DPP6: variants seen among roughly 807,000 people sequenced by gnomAD.
DPP6 encodes A-type potassium channel modulatory protein DPP6.
DPP6 carries 69 observed loss-of-function variants against 122.6 expected under a neutral mutation model. The ratio of observed to expected loss-of-function variants is 0.56; its 90% CI spans 0.46 to 0.69. The LOEUF is 0.69. Among genes scored for constraint, DPP6 ranks in the 30% least tolerant of loss-of-function variants. The pLI is 0.00. For missense variants in DPP6, 928 were observed against 1,116.9 expected (o/e 0.83, Z 2.41); for synonymous variants, 418 against 433.1 (o/e 0.97, Z 0.43).
intron 1 of DPP6, among the ~76,000 whole-genome samples, chr7:154,439,667 T>C (rs1408420244): frequency 6.7e-6 from 1 of 149,982 alleles, no homozygotes; most frequent in Non-Finnish European, 1.5e-5. Context: ...AGATAGCTAT[T>C]GCATCAATAA....
At chr7:153,920,665 G>A (rs10259960) in intron 1 of DPP6, among the ~76,000 whole-genome samples, 44,073 of 143,978 alleles carry the variant, frequency 0.31, 7,526 homozygotes, top group East Asian at 0.61. Context: ...GGTTCAAGCT[G>A]TTCTCCTACC....
intron 1 of DPP6, among the ~76,000 whole-genome samples, chr7:154,294,417 T>G (rs893766710): frequency 3.9e-5 from 6 of 152,164 alleles, no homozygotes; most frequent in Admixed American, 1.3e-4. Context: ...TGAATGTCAT[T>G]TATATTGTCA....
chr7:154,189,296 A>G (rs535620637), intron 1 of DPP6, among the ~76,000 whole-genome samples: 5 of 152,342 alleles, frequency 3.3e-5, no homozygotes, highest in South Asian at 4.1e-4. Flanking sequence ...CAACCTAGCT[A>G]TGTTTGCTTA....
intron 1 of DPP6, among the ~76,000 whole-genome samples, chr7:154,345,482 C>T (rs1483845385): frequency 1.3e-5 from 2 of 152,130 alleles, no homozygotes; most frequent in African/African-American, 4.8e-5. Flanking sequence ...TCCATTTTCC[C>T]ATGGGTTGGA....
At chr7:154,572,683 A>T (rs1171918855) in intron 5 of DPP6, among the ~76,000 whole-genome samples, 146 of 130,732 alleles carry the variant, frequency 1.1e-3, no homozygotes, top group Admixed American at 2.0e-3. Context: ...CACATGGCTA[A>T]TTTTTTTTTT....
chr7:153,920,052 G>A (rs1344008154), intron 1 of DPP6, among the ~76,000 whole-genome samples: 1 of 152,214 alleles, frequency 6.6e-6, no homozygotes, highest in Non-Finnish European at 1.5e-5. Context: ...CAGTAGTAAT[G>A]ATTCAAATGT....
At chr7:154,249,095 C>T (rs1802183665) in intron 1 of DPP6, among the ~76,000 whole-genome samples, 1 of 152,158 alleles carries the variant, frequency 6.6e-6, no homozygotes, top group South Asian at 2.1e-4. Context: ...GTGTTGAAAA[C>T]TCACGGTGGG....
chr7:154,413,379 A>T (rs1816776130), intron 1 of DPP6, among the ~76,000 whole-genome samples: 1 of 152,160 alleles, frequency 6.6e-6, no homozygotes, highest in South Asian at 2.1e-4. Context: ...AATCTTTTTG[A>T]TAGTGAGGTA....
At chr7:154,115,232 C>A (rs569132062) in intron 1 of DPP6, among the ~76,000 whole-genome samples, 6 of 152,286 alleles carry the variant, frequency 3.9e-5, no homozygotes, top group African/African-American at 1.2e-4. Context: ...TGCTGTCCCC[C>A]CTTCTGCCAC....
At chr7:153,878,226 C>T in the DPP6 span, among the ~76,000 whole-genome samples, 93 of 152,284 alleles carry the variant, frequency 6.1e-4, no homozygotes, top group African/African-American at 2.2e-3. Context: ...TGAATACACA[C>T]ATTCTAATAA....
chr7:154,128,536 G>C (rs1253078419), intron 1 of DPP6, among the ~76,000 whole-genome samples: 3 of 152,012 alleles, frequency 2.0e-5, no homozygotes, highest in Non-Finnish European at 2.9e-5. Flanking sequence ...CGAGTAGCTG[G>C]GACTACAGGC....
the DPP6 span, among the ~76,000 whole-genome samples, chr7:153,810,911 T>C: frequency 6.6e-6 from 1 of 152,186 alleles, no homozygotes. Context: ...TCTATCATAT[T>C]CAAGATTACT....
intron 1 of DPP6, among the ~76,000 whole-genome samples, chr7:154,339,256 G>A (rs1379072613): frequency 1.3e-5 from 2 of 152,224 alleles, no homozygotes. Flanking sequence ...GAGTTTACAA[G>A]GAAAGGAAGG....
the DPP6 span, among the ~76,000 whole-genome samples, chr7:153,837,625 G>A: frequency 7.9e-5 from 12 of 152,056 alleles, no homozygotes; most frequent in African/African-American, 2.7e-4. Flanking sequence ...CTTATTGAAT[G>A]TATAGAGGGT....
At chr7:153,955,022 A>G (rs887625470) in intron 1 of DPP6, among the ~76,000 whole-genome samples, 1 of 152,140 alleles carries the variant, frequency 6.6e-6, no homozygotes, top group African/African-American at 2.4e-5. Flanking sequence ...GGGCAAATTG[A>G]TATTTAAAAA....
intron 5 of DPP6, among the ~76,000 whole-genome samples, chr7:154,633,073 T>G (rs1406773990): frequency 6.6e-6 from 1 of 152,202 alleles, no homozygotes; most frequent in African/African-American, 2.4e-5. Flanking sequence ...GAGATATTAA[T>G]GTAATGCTAT....
intron 2 of DPP6, among the ~76,000 whole-genome samples, chr7:154,452,852 A>G (rs1178160554): frequency 2.0e-5 from 3 of 152,224 alleles, no homozygotes; most frequent in African/African-American, 4.8e-5. Context: ...TTAGAAATCA[A>G]ATTAAAAGTG....
chr7:153,803,446 C>G, the DPP6 span, among the ~76,000 whole-genome samples: 1 of 139,740 alleles, frequency 7.2e-6, no homozygotes, highest in Non-Finnish European at 1.5e-5. Flanking sequence ...AGAATTCACC[C>G]CTTTCTGCCC....
At chr7:154,406,745 A>AC (rs1203788160) in intron 1 of DPP6, among the ~76,000 whole-genome samples, 2 of 152,200 alleles carry the variant, frequency 1.3e-5, no homozygotes, top group African/African-American at 4.8e-5. Flanking sequence ...CTGAGTCAAA[A>AC]ACCCTGGATA....
Sources: gnomAD v4.1 joint callset for allele counts (sites outside exome capture counted in the v4.1 genomes callset) on GRCh38, gnomAD v4.1.1 for gene constraint, MANE v1.5 for transcripts, NCBI Gene and HGNC (gene_info 2026-07-23, HGNC 2026-07-21) for gene names.